Variants in PRPF4 observed in about 807,000 individuals in gnomAD.
PRPF4 encodes the protein U4/U6 small nuclear ribonucleoprotein Prp4.
PRPF4 carries 14 observed loss-of-function variants against 72.2 expected under a neutral mutation model. That is an observed-to-expected ratio of 0.19 (90% CI 0.13 to 0.30). PRPF4 has a LOEUF of 0.30. Ranked by LOEUF, PRPF4 falls within the 10% of genes least tolerant of loss-of-function variation. PRPF4 has a pLI of 1.00. For missense variants in PRPF4, 478 were observed against 653.9 expected (o/e 0.73, Z 2.93); for synonymous variants, 225 against 232.2 (o/e 0.97, Z 0.28).
chr9:113,281,046 G>C (rs1056377643), intron 3 of PRPF4, among the ~76,000 whole-genome samples: 1 of 152,068 alleles, frequency 6.6e-6, no homozygotes, highest in Admixed American at 6.5e-5. Flanking sequence ...TCAACACGTT[G>C]GCCAGGTGTT....
In PRPF4 at chr9:113,276,809, C is replaced by A; in HGVS notation, c.205+84C>A. The A allele has an allele frequency of 6.4e-6, 9 of 1,405,628 alleles. 1 individual carries two copies. The South Asian group carries it at 8.5e-5, about 13-fold the overall frequency. 87.1% of individuals were successfully genotyped at this position (1,405,628 alleles called of 1,614,324 possible). A position where few individuals can be genotyped will look rare whatever the true frequency, so the allele number is the denominator to read the frequency against. On this transcript the variant is annotated intron_variant, in intron 2 of 13. Transcript: ENST00000374198. Reference sequence around the variant, plus strand: ...CTTAAATACCACAGTTTTATAATGTCAAAAAATTACAATTTTTTTTTTTTT... The same window carrying A: ...CTTAAATACCACAGTTTTATAATGTAAAAAAATTACAATTTTTTTTTTTTT...
In PRPF4 at chr9:113,283,168, T is replaced by C; in HGVS notation, c.517T>C (p.Leu173=). The C allele has an allele frequency of 6.2e-7, 1 of 1,614,226 alleles. No individual in the cohort carries two copies. The highest frequency in any genetic ancestry group is 8.5e-7 in the Non-Finnish European group (1 of 1,180,036). Residue 173 remains leucine, a synonymous_variant, in exon 5 of 14, where the codon TTG becomes CTG. Transcript: ENST00000374198. ...QTWYHEGPNS[L]KVARLWIANY... ...CTGGTATCATGAAGGACCAAATAGC[T>C]TGAAGGTGGCAAGACTATGGATTGC...
Position 113,276,552 on chromosome 9 carries a change from C to T in PRPF4, c.32C>T (p.Thr11Ile), listed in dbSNP as rs778659559. 10 of 1,613,972 alleles carry T rather than the reference C, an allele frequency of 6.2e-6. No individual in the cohort carries two copies. The highest frequency in any genetic ancestry group is 3.3e-5 in the Admixed American group (2 of 59,986). Reference sequence around the variant, plus strand: ...TGCAGATCTTTGATTTAGCAGGCAACCAAAACTAAAGCACCCGACGACTTA... The same window carrying T: ...TGCAGATCTTTGATTTAGCAGGCAATCAAAACTAAAGCACCCGACGACTTA... The part of the protein sequence containing the change: MASSRASSTA[T>I]KTKAPDDLVA... Residue 11 changes from threonine (T) to isoleucine (I), a missense_variant, in exon 2 of 14, where the codon ACC becomes ATC. Transcript: ENST00000374198.
At chr9:113,278,652 G>A (rs1008516339) in intron 2 of PRPF4, among the ~76,000 whole-genome samples, 1 of 152,188 alleles carries the variant, frequency 6.6e-6, no homozygotes, top group Non-Finnish European at 1.5e-5. Context: ...TAACTCATTT[G>A]CAAAAGATGT....
intron 7 of PRPF4, 72 bp from the exon 8 acceptor site, chr9:113,286,160 A>G (rs1269135662): frequency 3.3e-6 from 5 of 1,493,644 alleles, no homozygotes; most frequent in Non-Finnish European, 4.7e-6. Flanking sequence ...ATTGTCCTTT[A>G]GTAATATTAC....
intron 1 of PRPF4, 57 bp downstream of exon 1, chr9:113,275,827 T>C: frequency 6.2e-7 from 1 of 1,601,894 alleles, no homozygotes; most frequent in South Asian, 1.1e-5. Context: ...GGGAAGGGGA[T>C]CTCTGCGGGA....
At position 113,283,152 on chromosome 9, in the gene PRPF4, T is replaced by C. The variant is rs745864345; in HGVS notation, c.501T>C (p.His167=). 6.2e-7 allele frequency: 1 copy of C among 1,614,204 alleles called. No homozygotes were observed. The highest frequency in any genetic ancestry group is 8.5e-7 in the Non-Finnish European group (1 of 1,180,028). The part of the protein sequence containing the change: ...SKEEYQQTWY[H]EGPNSLKVAR... ...TTCAGTATCAGCAAACCTGGTATCA[T>C]GAAGGACCAAATAGCTTGAAGGTGG... The change falls in exon 5 of 14, where the codon CAT becomes CAC. Residue 167 remains histidine, a synonymous_variant. Coordinates refer to ENST00000374198, the MANE Select transcript of PRPF4 (RefSeq NM_001244926.2).
chr9:113,283,608 T>G, intron 6 of PRPF4, 126 bp downstream of exon 6: 1 of 887,168 alleles, frequency 1.1e-6, no homozygotes. Context: ...TAAGTTGAGC[T>G]GCTGTGACAT....
intron 2 of PRPF4, 40 bp downstream of exon 2, chr9:113,276,765 T>TAATGAATA (rs1832112355): frequency 6.4e-7 from 1 of 1,550,630 alleles, no homozygotes. Context: ...CCTCTTTGTG[T>TAATGAATA]AATGAATACC....
At chr9:113,283,537 AT>A in intron 6 of PRPF4, 55 bp downstream of exon 6, 2 of 1,590,072 alleles carry the variant, frequency 1.3e-6, no homozygotes, top group Non-Finnish European at 1.7e-6. Context: ...TGTTTATTTG[AT>A]TTTTCTACTT....
At chr9:113,282,485 A>AG (rs1284259957) in intron 3 of PRPF4, among the ~76,000 whole-genome samples, 161 bp from the exon 4 acceptor site, 1 of 151,324 alleles carries the variant, frequency 6.6e-6, no homozygotes, top group Non-Finnish European at 1.5e-5. Context: ...AAGAAAAAAA[A>AG]AAGGTTGCTA....
At chr9:113,288,099 GTC>G in intron 9 of PRPF4, 74 bp from the exon 10 acceptor site, 1 of 1,375,120 alleles carries the variant, frequency 7.3e-7, no homozygotes, top group South Asian at 1.2e-5. Flanking sequence ...GAATGGGTAT[GTC>G]TGCACAGAAG....
At chr9:113,288,488 G>C (rs537843804) in intron 10 of PRPF4, among the ~76,000 whole-genome samples, 1 of 151,246 alleles carries the variant, frequency 6.6e-6, no homozygotes, top group Admixed American at 6.6e-5. Flanking sequence ...CCAGGCTGGA[G>C]TGCAGTGGCG....
intron 6 of PRPF4, 144 bp downstream of exon 6, chr9:113,283,626 GCCAT>G (rs1832348653): frequency 5.2e-6 from 4 of 767,060 alleles, no homozygotes; most frequent in Non-Finnish European, 6.2e-6. Context: ...CATGGAAGGA[GCCAT>G]CAGTTAATGT....
intron 6 of PRPF4, 123 bp from the exon 7 acceptor site, chr9:113,284,172 A>G: frequency 1.5e-6 from 1 of 666,618 alleles, no homozygotes; most frequent in Non-Finnish European, 2.5e-6. Context: ...AAACCATAGA[A>G]GAATCTTGGG....
chr9:113,282,707 G>T lies in PRPF4; in HGVS notation c.454G>T (p.Glu152Ter). ...DALKKTKKDD[E>*]KSKKSKEEYQ... is the part of the protein sequence containing the mutation. ...CTTGAAAAAGACCAAAAAGGATGATGAGAAGTCTAAAAAGTCCAAAGAAGA... is the reference window on the plus strand; with the variant it reads ...CTTGAAAAAGACCAAAAAGGATGATTAGAAGTCTAAAAAGTCCAAAGAAGA... Residue 152 changes from glutamate (E) to a stop codon, truncating the protein, a stop_gained, in exon 4 of 14, where the codon GAG (glutamate) becomes TAG (stop). Transcript: ENST00000374198. LOFTEE classifies it high-confidence loss of function. 1 of 1,610,198 alleles carries T rather than the reference G, an allele frequency of 6.2e-7. No homozygotes were observed. The highest frequency in any genetic ancestry group is 1.1e-5 in the South Asian group (1 of 90,900).
chr9:113,284,428 G>A, intron 7 of PRPF4, 39 bp downstream of exon 7: 1 of 1,513,282 alleles, frequency 6.6e-7, no homozygotes, highest in Non-Finnish European at 9.2e-7. Flanking sequence ...TCCTAAATGG[G>A]GAACAGGCTC....
chr9:113,275,890 C>G, intron 1 of PRPF4, 120 bp downstream of exon 1: 1 of 1,338,112 alleles, frequency 7.5e-7, no homozygotes, highest in Non-Finnish European at 1.0e-6. Context: ...AGGAAGGCTG[C>G]GGGACTCAGC....
chr9:113,278,580 A>G (rs192115340), intron 2 of PRPF4, among the ~76,000 whole-genome samples: 1 of 152,356 alleles, frequency 6.6e-6, no homozygotes, highest in South Asian at 2.1e-4. Context: ...TTTCGAGAAT[A>G]AATAGCTTTG....
Sources: allele counts gnomAD v4.1 joint callset (sites outside exome capture counted in the v4.1 genomes callset), GRCh38; gene constraint gnomAD v4.1.1; transcripts MANE v1.5; gene names NCBI Gene and HGNC (gene_info 2026-07-23, HGNC 2026-07-21).